The following CYP27C1 variants were observed in gnomAD, a reference collection of about 807,000 sequenced individuals.
The protein encoded by CYP27C1 is cytochrome P450 family 27 subfamily C member 1.
In CYP27C1, 29 loss-of-function variants were observed where a neutral mutation model predicts 40.6. The observed-to-expected ratio is 0.71, with a 90% CI of 0.53 to 0.97. The LOEUF is 0.97. Among genes scored for constraint, CYP27C1 ranks in the 50% least tolerant of loss-of-function variants. The pLI is 0.00. For synonymous variants in CYP27C1, 198 were observed against 186.8 expected (o/e 1.06, Z -0.49); for missense variants, 390 against 485.8 (o/e 0.80, Z 1.85).
At position 127,205,517 on chromosome 2, in the gene CYP27C1, C is replaced by G. The variant is rs552789956; in HGVS notation, c.473+383G>C. 3 of 227,454 alleles carry G rather than the reference C, an allele frequency of 1.3e-5. No individual in the cohort carries two copies. In the Admixed American group the frequency reaches 1.9e-4, roughly 15 times the overall value. 14.1% of individuals were successfully genotyped at this position (227,454 alleles called of 1,614,324 possible). A position where few individuals can be genotyped will look rare whatever the true frequency, so the allele number is the denominator to read the frequency against. The stretch of plus-strand genomic sequence containing the variant: ...GACCAAGGCTGGAGGTTCTTAGCCC[C>G]TCGTCAAAGGGATTTTCCTGAAATA... On this transcript the variant is annotated intron_variant, in intron 2 of 8. Transcript: ENST00000664447.
In CYP27C1 at chr2:127,195,106, G is replaced by A. The variant is rs762800510; in HGVS notation, c.1214+229C>T. ...CTCCCAAAGTGCTGGGATTACAGGC[G>A]TGAGCCACTGTGCCTGGCCCAAAGA... On this transcript the variant is annotated intron_variant, in intron 6 of 8. Transcript: ENST00000664447. The surrounding 1 kb of genome is among the most constrained non-coding windows in gnomAD (Gnocchi z 6.2). Among the ~76,000 whole-genome samples, 3 of 152,138 alleles carry A rather than the reference G, an allele frequency of 2.0e-5. No homozygotes were observed. Among genetic ancestry groups the A allele is most frequent in the Non-Finnish European group, 2.9e-5 (2 of 68,018 alleles).
chr2:127,202,269 T>C (rs1683052280), intron 3 of CYP27C1, among the ~76,000 whole-genome samples: 1 of 152,050 alleles, frequency 6.6e-6, no homozygotes, highest in South Asian at 2.1e-4. Flanking sequence ...GGATTACAGG[T>C]GCCCGCCACC....
In CYP27C1 at chr2:127,194,923, A is replaced by G. The variant is rs565442975; in HGVS notation, c.1214+412T>C. Among the ~76,000 whole-genome samples, 7 of 149,594 alleles carry G rather than the reference A, an allele frequency of 4.7e-5. No homozygotes were observed. In the South Asian group the frequency reaches 1.5e-3, roughly 32 times the overall value. On this transcript the variant is annotated intron_variant, in intron 6 of 8. Transcript: ENST00000664447. The stretch of plus-strand genomic sequence containing the variant: ...TGGTGCAATCTTGGCTCCATCACCT[A>G]ACTTCAAGCGATTCTCTTGCCCCAG...
In CYP27C1 at chr2:127,204,551, GAGAGAGAA is replaced by G. The variant is rs1170088396; in HGVS notation, c.474-988_474-981del. Among the ~76,000 whole-genome samples, 290 of 51,226 alleles carry G rather than the reference GAGAGAGAA, an allele frequency of 5.7e-3. 3 individuals carry two copies. Among genetic ancestry groups the G allele is most frequent in the African/African-American group, 0.013 (188 of 14,690 alleles). The allele number at this position is 51,226 out of a possible 152,430, so 33.6% of individuals were successfully genotyped here. On this transcript the variant is annotated intron_variant, in intron 2 of 8. Transcript: ENST00000664447. The stretch of plus-strand genomic sequence containing the variant: ...AAAGAAAGAAAGAGAGAGAGAGAGA[GAGAGAGAA>G]AGAAAGAAAGAAAGAAAGAAAGAAA...
rs1222724887 is a variant in CYP27C1 at position 127,196,611 on chromosome 2, C to A, written c.1048-1110G>T. Reference sequence around the variant, plus strand: ...AGATATCACGTGTTTTAGAGGGCAGCCCTCTTGTATATATAATATAATGTG... The same window carrying A: ...AGATATCACGTGTTTTAGAGGGCAGACCTCTTGTATATATAATATAATGTG... On this transcript the variant is annotated intron_variant, in intron 5 of 8. Coordinates refer to ENST00000664447, the MANE Select transcript of CYP27C1 (RefSeq NM_001367502.1). This position sits in a 1 kb window ranked among gnomAD's most constrained non-coding sequence, Gnocchi z 4.5. Among the ~76,000 whole-genome samples the A allele has an allele frequency of 6.6e-6, 1 of 151,776 alleles. No homozygotes were observed. Among genetic ancestry groups the A allele is most frequent in the Non-Finnish European group, 1.5e-5 (1 of 67,992 alleles).
rs1558936176 is a variant in CYP27C1, at chr2:127,219,051, G to C, written c.282+938C>G. Among the ~76,000 whole-genome samples, 4 of 152,126 alleles carry C rather than the reference G, an allele frequency of 2.6e-5. No homozygotes were observed. On this transcript the variant is annotated intron_variant, in intron 1 of 8. Transcript: ENST00000664447. The surrounding 1 kb of genome is among the most constrained non-coding windows in gnomAD (Gnocchi z 8.7). ...GCCTCCAGTCCCGGCGCGAACTCCA[G>C]GTGTCGCCCCCAACTCCGGCTTAGA... is the stretch of plus-strand genomic sequence containing the variant.
chr2:127,205,761 G>C, intron 2 of CYP27C1, 139 bp downstream of exon 2: 1 of 985,508 alleles, frequency 1.0e-6, no homozygotes, highest in South Asian at 4.7e-5. Flanking sequence ...GATCGCACAA[G>C]GAGACTGTCT....
intron 2 of CYP27C1, among the ~76,000 whole-genome samples, chr2:127,204,450 AAG>A (rs1491125423): frequency 1.0e-4 from 4 of 39,020 alleles, no homozygotes; most frequent in Non-Finnish European, 1.5e-4. Context: ...AAAAGAAAGA[AAG>A]AAAGAAAGAA....
At position 127,184,767 on chromosome 2, in the gene CYP27C1, G is replaced by C. The variant is rs1682580720; in HGVS notation, c.*2504C>G. 1 of 152,144 alleles carries C rather than the reference G, an allele frequency of 6.6e-6. No individual in the cohort carries two copies. Among genetic ancestry groups the C allele is most frequent in the African/African-American group, 2.4e-5 (1 of 41,388 alleles). 9.4% of individuals were successfully genotyped at this position (152,144 alleles called of 1,614,324 possible). On this transcript the variant is annotated 3_prime_UTR_variant, in exon 9 of 9. Transcript: ENST00000664447. ...TGTTTTGTTGGAAACCCGAGACATTGGTCCTATAGACCTCACTCTATTCTG... is the reference window on the plus strand; with the variant it reads ...TGTTTTGTTGGAAACCCGAGACATTCGTCCTATAGACCTCACTCTATTCTG...
At position 127,202,039 on chromosome 2, in the gene CYP27C1, A is replaced by T. The variant is rs35024368; in HGVS notation, c.674-708T>A. Among the ~76,000 whole-genome samples, 665 of 152,216 alleles carry T rather than the reference A, an allele frequency of 4.4e-3. 3 individuals are homozygous for T. The highest frequency in any genetic ancestry group is 0.015 in the African/African-American group (640 of 41,540). ...TGAAAGTTGAAGGTAAGCTTTTTTT[A>T]AAAAAGATGAGAAAGCTGATAGAAA... On this transcript the variant is annotated intron_variant, in intron 3 of 8. Transcript: ENST00000664447.
chr2:127,187,804 T>G (rs1682665610), intron 8 of CYP27C1, among the ~76,000 whole-genome samples: 2 of 152,172 alleles, frequency 1.3e-5, no homozygotes, highest in Admixed American at 6.5e-5. Context: ...CTGCAGACAC[T>G]TCAGACCCGG....
At chr2:127,211,375 T>TTTG (rs1683334035) in intron 1 of CYP27C1, among the ~76,000 whole-genome samples, 1 of 89,390 alleles carries the variant, frequency 1.1e-5, no homozygotes, top group African/African-American at 3.8e-5. Flanking sequence ...TTTTGTTTTT[T>TTTG]TTTTTTTTTT....
chr2:127,217,909 G>C (rs1313454127), intron 1 of CYP27C1, among the ~76,000 whole-genome samples: 3 of 152,166 alleles, frequency 2.0e-5, no homozygotes, highest in Non-Finnish European at 4.4e-5. Context: ...CCTCAGAGGG[G>C]CTGCAGGAAG....
intron 8 of CYP27C1, among the ~76,000 whole-genome samples, chr2:127,192,023 T>C (rs1164291985): frequency 6.6e-6 from 1 of 152,136 alleles, no homozygotes; most frequent in African/African-American, 2.4e-5. Flanking sequence ...AGCCTGACCA[T>C]CCAGAATCCC....
chr2:127,188,613 T>C (rs187131469), intron 8 of CYP27C1, among the ~76,000 whole-genome samples: 6 of 150,712 alleles, frequency 4.0e-5, no homozygotes, highest in East Asian at 1.9e-4. Flanking sequence ...TAATAGTGAA[T>C]AGTAATGAAA....
In CYP27C1 at chr2:127,208,389, C is replaced by A. The variant is rs113874741; in HGVS notation, c.283-2299G>T. 6.6e-6 allele frequency among the ~76,000 whole-genome samples: 1 copy of A among 152,176 alleles called. No individual in the cohort carries two copies. Among genetic ancestry groups the A allele is most frequent in the African/African-American group, 2.4e-5 (1 of 41,448 alleles). The stretch of plus-strand genomic sequence containing the variant: ...CTGTGCAACCTACAGGTCAGAAGAT[C>A]CCACTCTCGAACCCATGCCACCAGA... On this transcript the variant is annotated intron_variant, in intron 1 of 8. Coordinates refer to ENST00000664447, the MANE Select transcript of CYP27C1 (RefSeq NM_001367502.1). The surrounding 1 kb of genome is among the most constrained non-coding windows in gnomAD (Gnocchi z 5.2).
Position 127,204,441 on chromosome 2 carries a change from AAAGAAAG to A in CYP27C1, c.474-877_474-871del, listed in dbSNP as rs1483359716. ...AGAAAGAGAGAAAGGAAAGAAAGAA[AAAGAAAG>A]AAAGAAAGAAAGAAAGAAAGAAAGA... On this transcript the variant is annotated intron_variant, in intron 2 of 8. Transcript: ENST00000664447. Among the ~76,000 whole-genome samples the A allele has an allele frequency of 5.3e-3, 42 of 7,882 alleles. 1 individual carries two copies. The highest frequency in any genetic ancestry group is 0.016 in the African/African-American group (41 of 2,490). The allele number at this position is 7,882 out of a possible 152,430, so 5.2% of individuals were successfully genotyped here.
intron 2 of CYP27C1, chr2:127,205,577 C>G: frequency 5.2e-6 from 3 of 582,496 alleles, no homozygotes; most frequent in Non-Finnish European, 6.5e-6. Context: ...CAGACAAGGG[C>G]GCTGTGAGTT....
chr2:127,187,493 G>T (rs902631286), intron 8 of CYP27C1, 106 bp from the exon 9 acceptor site: 3 of 975,138 alleles, frequency 3.1e-6, no homozygotes, highest in African/African-American at 1.6e-5. Context: ...GCTGCAGAGA[G>T]CGCAGGCAAT....
Sources: gnomAD v4.1 joint callset for allele counts (sites outside exome capture counted in the v4.1 genomes callset) on GRCh38, gnomAD v4.1.1 for gene constraint, Gnocchi (gnomAD v3.1) non-coding constraint, MANE v1.5 for transcripts, NCBI Gene and HGNC (gene_info 2026-07-23, HGNC 2026-07-21) for gene names.